Variants in TOP1 observed in about 807,000 individuals in gnomAD.
The protein encoded by TOP1 is DNA topoisomerase I, also known as DNA topoisomerase 1.
TOP1 carries 10 observed loss-of-function variants against 111.1 expected under a neutral mutation model. That is an observed-to-expected ratio of 0.09 (90% confidence interval 0.06 to 0.15). The LOEUF (loss-of-function observed/expected upper bound fraction) is 0.15, where lower values mean the gene tolerates loss of function less well. Ranked by LOEUF, TOP1 falls within the 10% of genes least tolerant of loss-of-function variation. The pLI, the probability that TOP1 is intolerant of heterozygous loss-of-function variation, is 1.00. For missense variants in TOP1, 474 were observed against 926.7 expected, an observed-to-expected ratio of 0.51 and a Z score of 6.34; for synonymous variants, 271 against 302.9, an observed-to-expected ratio of 0.89 and a Z score of 1.10.
chr20:41,047,015 TAGC>T (rs1367188626), intron 2 of TOP1, among the ~76,000 whole-genome samples: 3 of 152,184 alleles, frequency 2.0e-5, no homozygotes, highest in Non-Finnish European at 4.4e-5. Flanking sequence ...GAGAACAAGT[TAGC>T]AGAAAGCTGA....
At chr20:41,066,213 T>C (rs2033604633) in intron 3 of TOP1, among the ~76,000 whole-genome samples, 1 of 151,780 alleles carries the variant, frequency 6.6e-6, no homozygotes, top group Non-Finnish European at 1.5e-5. Context: ...CTTTGAGACA[T>C]ATAAGTTTGG....
intron 13 of TOP1, among the ~76,000 whole-genome samples, chr20:41,111,508 T>C (rs2034239140): frequency 6.6e-6 from 1 of 152,122 alleles, no homozygotes; most frequent in Admixed American, 6.6e-5. Flanking sequence ...TGAGTACTTT[T>C]AGGATTGAGA....
At chr20:41,104,526 A>T (rs964736879) in intron 13 of TOP1, among the ~76,000 whole-genome samples, 3 of 152,212 alleles carry the variant, frequency 2.0e-5, no homozygotes, top group Non-Finnish European at 4.4e-5. Context: ...ACCAGGTGAA[A>T]TGCCTCAAGA....
At position 41,071,431 on chromosome 20, in the gene TOP1, G is replaced by C. The variant is rs2033667874; in HGVS notation, c.156-4740G>C. Among the ~76,000 whole-genome samples the C allele has an allele frequency of 6.6e-6, 1 of 151,316 alleles. No individual in the cohort carries two copies. The highest frequency in any genetic ancestry group is 6.6e-5 in the Admixed American group (1 of 15,194). ...GTGATCTCGGCTCACTGCAGCCTCT[G>C]TCTCCCTGGTTCAAGTGATTCTCCT... On this transcript the variant is annotated intron_variant, in intron 3 of 20. Transcript: ENST00000361337. This position sits in a 1 kb window ranked among gnomAD's most constrained non-coding sequence, Gnocchi z 4.3.
chr20:41,051,637 G>GT (rs1359887179), intron 2 of TOP1, among the ~76,000 whole-genome samples: 1 of 152,162 alleles, frequency 6.6e-6, no homozygotes, highest in Non-Finnish European at 1.5e-5. Flanking sequence ...CTTAAAACCT[G>GT]TAAGTTCGTT....
rs1283448946 is a variant in TOP1, at chr20:41,100,794, TTTA to T, written c.1164-411_1164-409del. The stretch of plus-strand genomic sequence containing the variant: ...ATCACCACTTTCACACTTTGGGGCC[TTTA>T]TTAAGTAAAAGAAGGATTACTTGAA... On this transcript the variant is annotated intron_variant, in intron 12 of 20. Coordinates refer to ENST00000361337, the MANE Select transcript of TOP1 (RefSeq NM_003286.4). This position sits in a 1 kb window ranked among gnomAD's most constrained non-coding sequence, Gnocchi z 4.4. The T allele has an allele frequency of 2.4e-5, 4 of 168,924 alleles. No individual in the cohort carries two copies. The highest frequency in any genetic ancestry group is 9.6e-5 in the African/African-American group (4 of 41,844). 10.5% of individuals were successfully genotyped at this position (168,924 alleles called of 1,614,324 possible). A position where few individuals can be genotyped will look rare whatever the true frequency, so the allele number is the denominator to read the frequency against.
rs550922669 is a variant in TOP1 at position 41,097,891 on chromosome 20, C to T, written c.853-324C>T. Among the ~76,000 whole-genome samples, 2 of 152,206 alleles carry T rather than the reference C, an allele frequency of 1.3e-5. No homozygotes were observed. Among genetic ancestry groups the T allele is most frequent in the East Asian group, 3.9e-4 (2 of 5,178 alleles). Reference sequence around the variant, plus strand: ...ATGAATAGAATAGGGGTAATGTTTCCAAGAGAGAATCAGTATGGGATTTCA... The same window carrying T: ...ATGAATAGAATAGGGGTAATGTTTCTAAGAGAGAATCAGTATGGGATTTCA... On this transcript the variant is annotated intron_variant, in intron 10 of 20. Coordinates refer to ENST00000361337, the MANE Select transcript of TOP1 (RefSeq NM_003286.4). The surrounding 1 kb of genome is among the most constrained non-coding windows in gnomAD (Gnocchi z 4.2).
rs1600597479 is a variant in TOP1 at position 41,109,876 on chromosome 20, A to T, written c.1309-2906A>T. Among the ~76,000 whole-genome samples, 1 of 152,250 alleles carries T rather than the reference A, an allele frequency of 6.6e-6. No homozygotes were observed. The highest frequency in any genetic ancestry group is 1.9e-4 in the East Asian group (1 of 5,204). ...AGTGCTCTATTCATAAGAGTGCAAA[A>T]CTGGAAACATCCCAGAATAGATAAC... On this transcript the variant is annotated intron_variant, in intron 13 of 20. Coordinates refer to ENST00000361337, the MANE Select transcript of TOP1 (RefSeq NM_003286.4). This position sits in a 1 kb window ranked among gnomAD's most constrained non-coding sequence, Gnocchi z 4.1.
In TOP1 at chr20:41,034,151, A is replaced by G. The variant is rs1600549837; in HGVS notation, c.58+4696A>G. Among the ~76,000 whole-genome samples the G allele has an allele frequency of 6.6e-6, 1 of 152,382 alleles. No homozygotes were observed. The highest frequency in any genetic ancestry group is 2.1e-4 in the South Asian group (1 of 4,832). On this transcript the variant is annotated intron_variant, in intron 2 of 20. Transcript: ENST00000361337. This position sits in a 1 kb window ranked among gnomAD's most constrained non-coding sequence, Gnocchi z 4.0. ...GGGCATTTAGGCAAACAGTTGACAC[A>G]TGGATTTCTTAAGGTAAAAAGTTTA... is the stretch of plus-strand genomic sequence containing the variant.
rs1046894681 is a variant in TOP1 at position 41,078,208 on chromosome 20, C to T, written c.335+571C>T. 1.8e-4 allele frequency among the ~76,000 whole-genome samples: 28 copies of T among 152,018 alleles called. No individual in the cohort carries two copies. Among genetic ancestry groups the T allele is most frequent in the African/African-American group, 5.8e-4 (24 of 41,390 alleles). On this transcript the variant is annotated intron_variant, in intron 5 of 20. Coordinates refer to ENST00000361337, the MANE Select transcript of TOP1 (RefSeq NM_003286.4). The surrounding 1 kb of genome is among the most constrained non-coding windows in gnomAD (Gnocchi z 5.3). ...TCTTTTCTAGAAGGAGAGGAAAATG[C>T]GCAAAATCTAGAGGTTACTTCCTAT...
At chr20:41,077,352 A>AT (rs1477333835) in intron 4 of TOP1, among the ~76,000 whole-genome samples, 2 of 152,218 alleles carry the variant, frequency 1.3e-5, no homozygotes, top group Non-Finnish European at 2.9e-5. Context: ...AAAAGCTGCC[A>AT]TTTTTAAGGG....
At chr20:41,066,641 G>A (rs187275854) in intron 3 of TOP1, among the ~76,000 whole-genome samples, 183 of 144,236 alleles carry the variant, frequency 1.3e-3, no homozygotes, top group Admixed American at 2.8e-3. Context: ...TGCATCCTCC[G>A]CCTCCCGGGT....
At chr20:41,104,239 A>G (rs908907827) in intron 13 of TOP1, among the ~76,000 whole-genome samples, 4 of 152,202 alleles carry the variant, frequency 2.6e-5, no homozygotes, top group Non-Finnish European at 5.9e-5. Flanking sequence ...AAAGAGGGAA[A>G]TGACACCAGA....
chr20:41,056,047 T>C (rs796620337), intron 2 of TOP1, among the ~76,000 whole-genome samples: 43 of 152,326 alleles, frequency 2.8e-4, no homozygotes, highest in African/African-American at 9.1e-4. Context: ...TTACCAACCT[T>C]TTGCCAGTTG....
intron 2 of TOP1, among the ~76,000 whole-genome samples, chr20:41,057,423 C>A (rs547976610): frequency 3.3e-5 from 5 of 152,126 alleles, no homozygotes; most frequent in African/African-American, 9.6e-5. Context: ...AGACTGTTAT[C>A]TGAAACCTGC....
At chr20:41,051,645 G>A (rs935213420) in intron 2 of TOP1, among the ~76,000 whole-genome samples, 2 of 152,136 alleles carry the variant, frequency 1.3e-5, no homozygotes, top group Non-Finnish European at 2.9e-5. Context: ...CTGTAAGTTC[G>A]TTAGGCTTCC....
At chr20:41,031,367 G>A (rs2033117573) in intron 2 of TOP1, among the ~76,000 whole-genome samples, 1 of 152,208 alleles carries the variant, frequency 6.6e-6, no homozygotes, top group African/African-American at 2.4e-5. Context: ...GGCTGAGTAG[G>A]TAATGTAAGT....
intron 17 of TOP1, among the ~76,000 whole-genome samples, chr20:41,117,203 A>C (rs888126564): frequency 2.0e-5 from 3 of 151,910 alleles, no homozygotes; most frequent in Non-Finnish European, 4.4e-5. Flanking sequence ...ATTTCTAAAA[A>C]TTAGGCAGGT....
intron 4 of TOP1, among the ~76,000 whole-genome samples, chr20:41,076,742 A>C (rs1033904496): frequency 2.0e-5 from 3 of 152,212 alleles, no homozygotes; most frequent in Admixed American, 6.5e-5. Context: ...GTATAGTTTT[A>C]AAAAGAGATT....
Sources: gnomAD v4.1 joint callset for allele counts (sites outside exome capture counted in the v4.1 genomes callset) on GRCh38, gnomAD v4.1.1 for gene constraint, Gnocchi (gnomAD v3.1) non-coding constraint, MANE v1.5 for transcripts, NCBI Gene and HGNC (gene_info 2026-07-23, HGNC 2026-07-21) for gene names.